The following ATP9A variants were observed in gnomAD, a reference collection of about 807,000 sequenced individuals.
The protein encoded by ATP9A is ATPase phospholipid transporting 9A.
A neutral mutation model predicts 144.1 loss-of-function variants in ATP9A; 52 were observed. The ratio of observed to expected loss-of-function variants is 0.36; its 90% CI spans 0.29 to 0.45. The LOEUF is 0.45. ATP9A is among the 20% of genes least tolerant of loss of function. The probability of loss-of-function intolerance (pLI) is 1.00; values close to 1 mark genes in which losing one functional copy is unlikely to be tolerated. For missense variants in ATP9A, 947 were observed against 1,392.7 expected, an observed-to-expected ratio of 0.68 and a Z score of 5.09; for synonymous variants, 582 against 557.4, an observed-to-expected ratio of 1.04 and a Z score of -0.62.
chr20:51,629,205 T>G, intron 15 of ATP9A, 133 bp from the exon 16 acceptor site: 1 of 601,534 alleles, frequency 1.7e-6, no homozygotes. Context: ...TGGCTGAAGA[T>G]GAAAAGCGAG....
At chr20:51,629,353 T>G (rs2077261922) in intron 15 of ATP9A, among the ~76,000 whole-genome samples, 1 of 152,234 alleles carries the variant, frequency 6.6e-6, no homozygotes, top group African/African-American at 2.4e-5. Context: ...TCAACTGGAA[T>G]AGACTCACAT....
intron 1 of ATP9A, among the ~76,000 whole-genome samples, chr20:51,767,281 C>A (rs1228325977): frequency 6.6e-6 from 1 of 152,172 alleles, no homozygotes; most frequent in East Asian, 1.9e-4. Context: ...CCCGCGGGCT[C>A]CAGCCTCACC....
At chr20:51,709,234 G>A (rs557195636) in intron 4 of ATP9A, among the ~76,000 whole-genome samples, 15 of 152,220 alleles carry the variant, frequency 9.9e-5, no homozygotes, top group Admixed American at 3.3e-4. Context: ...AGCAACTGTG[G>A]CCAGGCACAG....
chr20:51,623,801 A>AAAAAAAGAAAG (rs558189054), intron 18 of ATP9A, among the ~76,000 whole-genome samples: 5 of 133,422 alleles, frequency 3.7e-5, no homozygotes, highest in African/African-American at 1.5e-4. Context: ...AAAAAAAAAA[A>AAAAAAAGAAAG]AAAGAAAGAA....
At chr20:51,616,638 A>T (rs189835406) in intron 22 of ATP9A, among the ~76,000 whole-genome samples, 1 of 152,210 alleles carries the variant, frequency 6.6e-6, no homozygotes, top group Admixed American at 6.5e-5. Context: ...CAGTCCTAAC[A>T]AACTCGGTGA....
chr20:51,766,199 A>G (rs1267764780), intron 1 of ATP9A, among the ~76,000 whole-genome samples: 2 of 152,112 alleles, frequency 1.3e-5, no homozygotes, highest in African/African-American at 2.4e-5. Context: ...TCATCAGGGG[A>G]GCTTATTAAA....
chr20:51,602,181 G>A (rs1000009857), intron 27 of ATP9A, among the ~76,000 whole-genome samples: 7 of 152,090 alleles, frequency 4.6e-5, no homozygotes, highest in African/African-American at 1.7e-4. Context: ...GGGGGCGGGC[G>A]TACTGCCTTT....
chr20:51,641,846 A>AAAAAAAAAAC (rs2077320643), intron 14 of ATP9A, among the ~76,000 whole-genome samples: 1 of 149,916 alleles, frequency 6.7e-6, no homozygotes. Flanking sequence ...AAAAAAAAAA[A>AAAAAAAAAAC]AAGATAAAAA....
chr20:51,730,247 C>A (rs897013857), intron 1 of ATP9A, among the ~76,000 whole-genome samples: 1 of 151,936 alleles, frequency 6.6e-6, no homozygotes, highest in Non-Finnish European at 1.5e-5. Context: ...GGTGGGCAGA[C>A]CACAAGGTCA....
At chr20:51,697,060 G>A (rs1163353623) in intron 5 of ATP9A, among the ~76,000 whole-genome samples, 1 of 152,174 alleles carries the variant, frequency 6.6e-6, no homozygotes, top group Non-Finnish European at 1.5e-5. Flanking sequence ...ATGGCTCAAA[G>A]GGTAAATTAG....
chr20:51,668,095 G>A (rs1358709229), intron 13 of ATP9A, among the ~76,000 whole-genome samples: 1 of 42,990 alleles, frequency 2.3e-5, no homozygotes, highest in African/African-American at 5.9e-5. Flanking sequence ...GTGGGGGGGG[G>A]GGGGGGCGGA....
chr20:51,620,943 T>A (rs557375603), intron 19 of ATP9A, among the ~76,000 whole-genome samples: 1 of 151,680 alleles, frequency 6.6e-6, no homozygotes, highest in South Asian at 2.1e-4. Flanking sequence ...AGGTCAGGGG[T>A]TCGAGACCAG....
intron 6 of ATP9A, among the ~76,000 whole-genome samples, chr20:51,694,530 T>C (rs554533263): frequency 2.0e-5 from 3 of 152,176 alleles, no homozygotes; most frequent in Admixed American, 1.3e-4. Flanking sequence ...TGCCACGTAA[T>C]AGCTTTGTGC....
intron 9 of ATP9A, among the ~76,000 whole-genome samples, chr20:51,681,423 A>ATTT (rs1221909662): frequency 8.2e-5 from 8 of 97,636 alleles, no homozygotes; most frequent in East Asian, 2.2e-4. Context: ...CCCATCCTAA[A>ATTT]TTTCTTTTTT....
chr20:51,723,700 G>A (rs1187093506), intron 3 of ATP9A, among the ~76,000 whole-genome samples: 2 of 151,120 alleles, frequency 1.3e-5, no homozygotes, highest in African/African-American at 4.9e-5. Context: ...GGGACTACAG[G>A]TGCATGCCAC....
At chr20:51,652,501 A>T (rs1029172476) in intron 14 of ATP9A, among the ~76,000 whole-genome samples, 55 of 152,370 alleles carry the variant, frequency 3.6e-4, no homozygotes. Flanking sequence ...TTTCAAAGGC[A>T]CGATTCTAGA....
At chr20:51,637,051 G>A (rs764484735) in intron 15 of ATP9A, among the ~76,000 whole-genome samples, 1 of 152,154 alleles carries the variant, frequency 6.6e-6, no homozygotes, top group Admixed American at 6.5e-5. Context: ...AGATGGCACC[G>A]CTGTACTCCA....
At chr20:51,614,699 C>T (rs1448497299) in intron 22 of ATP9A, among the ~76,000 whole-genome samples, 1 of 152,128 alleles carries the variant, frequency 6.6e-6, no homozygotes, top group African/African-American at 2.4e-5. Context: ...CACCAATTCC[C>T]CTTGTACAGT....
intron 18 of ATP9A, among the ~76,000 whole-genome samples, chr20:51,624,116 G>A (rs1411389952): frequency 6.6e-6 from 1 of 152,330 alleles, no homozygotes; most frequent in East Asian, 1.9e-4. Context: ...CCAGACTTCC[G>A]GAAGCAAGGT....
Sources: gnomAD v4.1 joint callset for allele counts (sites outside exome capture counted in the v4.1 genomes callset) on GRCh38, gnomAD v4.1.1 for gene constraint, MANE v1.5 for transcripts, NCBI Gene and HGNC (gene_info 2026-07-23, HGNC 2026-07-21) for gene names.